Variants in PDE6D observed in about 807,000 individuals in gnomAD.
PDE6D encodes phosphodiesterase 6D.
A neutral mutation model predicts 21.9 loss-of-function variants in PDE6D; 10 were observed. The ratio of observed to expected loss-of-function variants is 0.46; its 90% CI spans 0.28 to 0.78. The LOEUF (loss-of-function observed/expected upper bound fraction) is 0.78, where lower values mean the gene tolerates loss of function less well. Ranked by LOEUF, PDE6D falls within the 30% of genes least tolerant of loss-of-function variation. PDE6D has a pLI of 0.12. For missense variants in PDE6D, 139 were observed against 184.8 expected (o/e 0.75, Z 1.44); for synonymous variants, 59 against 63.5 (o/e 0.93, Z 0.34).
chr2:231,750,481 C>CATTTTTTTTTTTTTTTTTTTTTTTTTT (rs1553557786), intron 1 of PDE6D, among the ~76,000 whole-genome samples: 1 of 133,562 alleles, frequency 7.5e-6, no homozygotes, highest in Non-Finnish European at 1.6e-5. Context: ...ATCCATATCA[C>CATTTTTTTTTTTTTTTTTTTTTTTTTT]TTTTTTTTTT....
intron 1 of PDE6D, among the ~76,000 whole-genome samples, chr2:231,771,689 C>T (rs2049016830): frequency 6.6e-6 from 1 of 152,194 alleles, no homozygotes; most frequent in East Asian, 1.9e-4. Flanking sequence ...ATCCACAATG[C>T]ACTAAACCAA....
At chr2:231,775,487 GTTT>G (rs57179824) in intron 1 of PDE6D, among the ~76,000 whole-genome samples, 3 of 136,482 alleles carry the variant, frequency 2.2e-5, no homozygotes, top group South Asian at 2.3e-4. Context: ...TTTTGTGTGT[GTTT>G]TTTTTTTTTT....
At chr2:231,735,017 C>T (rs565915536) in intron 4 of PDE6D, among the ~76,000 whole-genome samples, 11 of 150,888 alleles carry the variant, frequency 7.3e-5, no homozygotes, top group South Asian at 6.3e-4. Flanking sequence ...CCGAGGCGGG[C>T]GGATCACGAG....
rs73086866 is a variant in PDE6D at position 231,747,066 on chromosome 2, C to A, written c.51-7878G>T. ...ATGTTAATTGGCTGGTTCATAGTTT[C>A]GTGTAATTTATCATCCAAACGATGA... On this transcript the variant is annotated intron_variant, in intron 1 of 4. Coordinates refer to ENST00000287600, the MANE Select transcript of PDE6D (RefSeq NM_002601.4). Among the ~76,000 whole-genome samples, 1,267 of 152,260 alleles carry A rather than the reference C, an allele frequency of 8.3e-3. 24 individuals carry two copies. The highest frequency in any genetic ancestry group is 0.029 in the African/African-American group (1,201 of 41,566).
At chr2:231,779,877 A>C (rs923644659) in intron 1 of PDE6D, among the ~76,000 whole-genome samples, 1 of 152,238 alleles carries the variant, frequency 6.6e-6, no homozygotes, top group African/African-American at 2.4e-5. Context: ...AAAGCAATTA[A>C]ATTTGCAAGC....
chr2:231,781,050 C>T lies in PDE6D; in HGVS notation c.50+15G>A. The T allele has an allele frequency of 6.2e-7, 1 of 1,611,044 alleles. No homozygotes were observed. The highest frequency in any genetic ancestry group is 1.3e-5 in the African/African-American group (1 of 74,930). Reference sequence around the variant, plus strand: ...CCCAAGTCCTCCCGGCCCCGCCCCGCTCCCGGACGGATACAGTTTGAAGCC... The same window carrying T: ...CCCAAGTCCTCCCGGCCCCGCCCCGTTCCCGGACGGATACAGTTTGAAGCC... On this transcript the variant is annotated intron_variant, in intron 1 of 4. Transcript: ENST00000287600.
chr2:231,745,651 T>C (rs2048788617), intron 1 of PDE6D, among the ~76,000 whole-genome samples: 1 of 152,152 alleles, frequency 6.6e-6, no homozygotes, highest in South Asian at 2.1e-4. Flanking sequence ...AATAAGAATA[T>C]CTTAAAAGTA....
chr2:231,733,658 TC>T (rs1480134367), intron 4 of PDE6D, among the ~76,000 whole-genome samples: 1 of 151,526 alleles, frequency 6.6e-6, no homozygotes, highest in African/African-American at 2.4e-5. Flanking sequence ...GAGGAAGCCA[TC>T]CAGGGATTCC....
chr2:231,758,130 C>T (rs1315948309), intron 1 of PDE6D, among the ~76,000 whole-genome samples: 1 of 152,082 alleles, frequency 6.6e-6, no homozygotes, highest in Non-Finnish European at 1.5e-5. Context: ...TATCTACCTA[C>T]CTACCTGTCT....
chr2:231,762,476 C>G (rs1214990663), intron 1 of PDE6D, among the ~76,000 whole-genome samples: 1 of 151,592 alleles, frequency 6.6e-6, no homozygotes, highest in African/African-American at 2.4e-5. Flanking sequence ...TCCCGAGTAG[C>G]TGGGATTACA....
At chr2:231,775,389 G>A (rs866479996) in intron 1 of PDE6D, among the ~76,000 whole-genome samples, 4 of 151,670 alleles carry the variant, frequency 2.6e-5, no homozygotes, top group Middle Eastern at 3.4e-3. Flanking sequence ...GGCTCACTGC[G>A]ACCTCCACCT....
intron 1 of PDE6D, among the ~76,000 whole-genome samples, chr2:231,757,534 T>C (rs764084105): frequency 1.3e-5 from 2 of 152,058 alleles, no homozygotes; most frequent in Non-Finnish European, 2.9e-5. Context: ...TCAGGTGATC[T>C]GCCCACCTCA....
At chr2:231,746,163 A>C (rs918537736) in intron 1 of PDE6D, among the ~76,000 whole-genome samples, 2 of 151,976 alleles carry the variant, frequency 1.3e-5, no homozygotes, top group Non-Finnish European at 2.9e-5. Context: ...TATTTTTGAG[A>C]CGGAGTCCCA....
chr2:231,753,799 T>G (rs2048862002), intron 1 of PDE6D, among the ~76,000 whole-genome samples: 1 of 152,180 alleles, frequency 6.6e-6, no homozygotes, highest in South Asian at 2.1e-4. Context: ...TTCAAAAACC[T>G]TCAATAGGTT....
intron 3 of PDE6D, 62 bp from the exon 4 acceptor site, chr2:231,737,354 T>C (rs1022874390): frequency 9.6e-6 from 8 of 836,804 alleles, no homozygotes; most frequent in Non-Finnish European, 1.6e-5. Flanking sequence ...AAGGGCTCTT[T>C]GTCTCCCTCT....
At chr2:231,757,675 T>TG (rs1296165654) in intron 1 of PDE6D, among the ~76,000 whole-genome samples, 1 of 152,222 alleles carries the variant, frequency 6.6e-6, no homozygotes, top group Non-Finnish European at 1.5e-5. Flanking sequence ...AGGATTCACT[T>TG]TAAACAATAT....
At chr2:231,745,503 C>A (rs73994888) in intron 1 of PDE6D, among the ~76,000 whole-genome samples, 2,694 of 152,258 alleles carry the variant, frequency 0.018, 75 homozygotes, top group African/African-American at 0.061. Context: ...CATTTAAAAG[C>A]TCCCTGGTGA....
At position 231,755,696 on chromosome 2, in the gene PDE6D, G is replaced by A. The variant is rs755376310; in HGVS notation, c.51-16508C>T. ...AGCACTTTGGGAGGCTGAGGCGGGCGGATCAACTGAGGTCAGGAGTTCCAG... is the reference window on the plus strand; with the variant it reads ...AGCACTTTGGGAGGCTGAGGCGGGCAGATCAACTGAGGTCAGGAGTTCCAG... On this transcript the variant is annotated intron_variant, in intron 1 of 4. Transcript: ENST00000287600. Among the ~76,000 whole-genome samples, 86 of 152,232 alleles carry A rather than the reference G, an allele frequency of 5.6e-4. 1 individual carries two copies. The highest frequency in any genetic ancestry group is 9.1e-4 in the Non-Finnish European group (62 of 67,992).
Position 231,744,476 on chromosome 2 carries a change from C to T in PDE6D, c.51-5288G>A, listed in dbSNP as rs539409825. Among the ~76,000 whole-genome samples, 349 of 150,774 alleles carry T rather than the reference C, an allele frequency of 2.3e-3. 2 individuals carry two copies. Among genetic ancestry groups the T allele is most frequent in the Non-Finnish European group, 3.9e-3 (265 of 67,780 alleles). On this transcript the variant is annotated intron_variant, in intron 1 of 4. Coordinates refer to ENST00000287600, the MANE Select transcript of PDE6D (RefSeq NM_002601.4). ...GGAGACAGAGTTTCGCTCTTGTTGC[C>T]CCGACTGGAGTGAATGGCACGATCT... is the stretch of plus-strand genomic sequence containing the variant.
Sources: allele counts gnomAD v4.1 joint callset (sites outside exome capture counted in the v4.1 genomes callset), GRCh38; gene constraint gnomAD v4.1.1; transcripts MANE v1.5; gene names NCBI Gene and HGNC (gene_info 2026-07-23, HGNC 2026-07-21).